GPC6: variants seen among roughly 807,000 people sequenced by gnomAD.
GPC6 encodes glypican-6.
GPC6 carries 14 observed loss-of-function variants against 55.2 expected under a neutral mutation model. The ratio of observed to expected loss-of-function variants is 0.25; its 90% CI spans 0.17 to 0.40. GPC6 has a LOEUF of 0.40. Ranked by LOEUF, GPC6 falls within the 10% of genes least tolerant of loss-of-function variation. The pLI is 1.00. For missense variants in GPC6, 641 were observed against 708.5 expected (o/e 0.90, Z 1.08); for synonymous variants, 278 against 259.6 (o/e 1.07, Z -0.68).
chr13:94,315,247 T>C (rs1302939768), intron 6 of GPC6, among the ~76,000 whole-genome samples: 2 of 152,234 alleles, frequency 1.3e-5, no homozygotes, highest in Non-Finnish European at 2.9e-5. Context: ...AAGCTTTTCC[T>C]ATGCTGTATT....
chr13:93,469,338 T>C lies in GPC6; in HGVS notation c.161-75925T>C, dbSNP rs180675141. The stretch of plus-strand genomic sequence containing the variant: ...ATTAATTTTAACACCTTTATAGATT[T>C]GGTAAACATCATTATATTCAGGATA... On this transcript the variant is annotated intron_variant, in intron 1 of 8. Coordinates refer to ENST00000377047, the MANE Select transcript of GPC6 (RefSeq NM_005708.5). 2.6e-3 allele frequency among the ~76,000 whole-genome samples: 394 copies of C among 152,330 alleles called. 2 individuals carry two copies. The highest frequency in any genetic ancestry group is 3.8e-3 in the Non-Finnish European group (260 of 68,008).
intron 2 of GPC6, among the ~76,000 whole-genome samples, chr13:93,661,720 A>C (rs550585437): frequency 6.6e-6 from 1 of 152,320 alleles, no homozygotes; most frequent in East Asian, 1.9e-4. Flanking sequence ...GCTTTGTAGT[A>C]ATCAAATTTT....
intron 3 of GPC6, among the ~76,000 whole-genome samples, chr13:93,944,763 A>G (rs1878918106): frequency 6.6e-6 from 1 of 152,106 alleles, no homozygotes; most frequent in Non-Finnish European, 1.5e-5. Context: ...TGCACATTTG[A>G]TTATGGGCAC....
At chr13:93,759,809 G>A (rs1446997450) in intron 2 of GPC6, among the ~76,000 whole-genome samples, 1 of 152,046 alleles carries the variant, frequency 6.6e-6, no homozygotes, top group East Asian at 1.9e-4. Flanking sequence ...GTGGCAGAAA[G>A]GTAGGCTGTT....
chr13:94,067,857 G>T (rs1187109194), intron 4 of GPC6, among the ~76,000 whole-genome samples: 1 of 152,134 alleles, frequency 6.6e-6, no homozygotes. Context: ...TCTAGCCTTA[G>T]CAAAAGATAA....
At chr13:93,783,182 G>A (rs1172126124) in intron 2 of GPC6, among the ~76,000 whole-genome samples, 1 of 152,072 alleles carries the variant, frequency 6.6e-6, no homozygotes, top group Non-Finnish European at 1.5e-5. Context: ...AGTATTCCAT[G>A]GTGTATACAC....
At chr13:93,497,042 A>G (rs1444905288) in intron 1 of GPC6, among the ~76,000 whole-genome samples, 1 of 152,176 alleles carries the variant, frequency 6.6e-6, no homozygotes, top group East Asian at 1.9e-4. Context: ...GAAGGTTGCA[A>G]TGGCTTGTGA....
At chr13:93,612,859 A>G (rs192935328) in intron 2 of GPC6, among the ~76,000 whole-genome samples, 71 of 152,338 alleles carry the variant, frequency 4.7e-4, no homozygotes, top group Non-Finnish European at 6.6e-4. Flanking sequence ...TTGGTTGTTT[A>G]TACATTTAAC....
intron 1 of GPC6, among the ~76,000 whole-genome samples, chr13:93,433,456 T>C (rs969538341): frequency 1.3e-5 from 2 of 152,198 alleles, no homozygotes; most frequent in African/African-American, 4.8e-5. Context: ...GGGAAGACCA[T>C]GGCCTTTGGA....
intron 2 of GPC6, among the ~76,000 whole-genome samples, chr13:93,766,992 C>T (rs1405782429): frequency 6.6e-6 from 1 of 151,184 alleles, no homozygotes; most frequent in Non-Finnish European, 1.5e-5. Context: ...TTTTTTTTCC[C>T]CCGCGGTGGT....
intron 1 of GPC6, among the ~76,000 whole-genome samples, chr13:93,277,587 T>A (rs1877800815): frequency 6.6e-6 from 1 of 152,220 alleles, no homozygotes; most frequent in Non-Finnish European, 1.5e-5. Flanking sequence ...GAATTTGAAA[T>A]GCTCAGAGAT....
At chr13:93,561,571 G>C (rs1055638389) in intron 2 of GPC6, among the ~76,000 whole-genome samples, 2 of 151,748 alleles carry the variant, frequency 1.3e-5, no homozygotes, top group Non-Finnish European at 1.5e-5. Context: ...TACAAGAGCC[G>C]AGCAGTTTTC....
At chr13:93,259,349 A>G (rs1333199247) in intron 1 of GPC6, among the ~76,000 whole-genome samples, 1 of 152,144 alleles carries the variant, frequency 6.6e-6, no homozygotes, top group Non-Finnish European at 1.5e-5. Context: ...AAGAGTTGTG[A>G]GCTATCTTAA....
chr13:93,714,787 A>G (rs756851575), intron 2 of GPC6, among the ~76,000 whole-genome samples: 4 of 151,564 alleles, frequency 2.6e-5, no homozygotes, highest in Non-Finnish European at 5.9e-5. Flanking sequence ...GGAGGGTCTT[A>G]GGTCGGCAGT....
At chr13:93,450,066 G>A (rs1341112812) in intron 1 of GPC6, among the ~76,000 whole-genome samples, 6 of 152,094 alleles carry the variant, frequency 3.9e-5, no homozygotes, top group African/African-American at 7.2e-5. Context: ...GATTACAGGC[G>A]TGAGCCACCG....
chr13:93,742,927 G>C (rs1884259291), intron 2 of GPC6, among the ~76,000 whole-genome samples: 2 of 114,568 alleles, frequency 1.7e-5, no homozygotes, highest in African/African-American at 3.3e-5. Flanking sequence ...TTTCACTATG[G>C]AAAAATGAGT....
chr13:93,674,141 ACAAT>A (rs1380132632), intron 2 of GPC6, among the ~76,000 whole-genome samples: 1 of 152,134 alleles, frequency 6.6e-6, no homozygotes, highest in Admixed American at 6.6e-5. Flanking sequence ...TGTTAACCTA[ACAAT>A]CAGTTTTGGA....
intron 1 of GPC6, among the ~76,000 whole-genome samples, chr13:93,450,425 G>A (rs781531329): frequency 4.3e-4 from 66 of 152,266 alleles, no homozygotes; most frequent in Non-Finnish European, 7.5e-4. Context: ...ATTTGGAATT[G>A]AGCCATAAGT....
At chr13:94,025,592 C>T (rs1329455088) in intron 3 of GPC6, 1 of 151,920 alleles carries the variant, frequency 6.6e-6, no homozygotes, top group Non-Finnish European at 1.5e-5. Context: ...ATGGTATGGC[C>T]TTGGACAAAT....
Sources: allele counts gnomAD v4.1 joint callset (sites outside exome capture counted in the v4.1 genomes callset), GRCh38; gene constraint gnomAD v4.1.1; transcripts MANE v1.5; gene names NCBI Gene and HGNC (gene_info 2026-07-23, HGNC 2026-07-21).